The following FLT3LG variants were observed in gnomAD, a reference collection of about 807,000 sequenced individuals.
FLT3LG encodes the protein fms related receptor tyrosine kinase 3 ligand, also known as fms-related tyrosine kinase 3 ligand.
FLT3LG carries 8 observed loss-of-function variants against 30.9 expected under a neutral mutation model. That is an observed-to-expected ratio of 0.26 (90% CI 0.15 to 0.47). The LOEUF is 0.47. Ranked by LOEUF, FLT3LG falls within the 20% of genes least tolerant of loss-of-function variation. The probability of loss-of-function intolerance (pLI) is 0.99; values close to 1 mark genes in which losing one functional copy is unlikely to be tolerated. For missense variants in FLT3LG, 278 were observed against 306.2 expected, an observed-to-expected ratio of 0.91 and a Z score of 0.69; for synonymous variants, 123 against 135.9, an observed-to-expected ratio of 0.91 and a Z score of 0.66.
intron 5 of FLT3LG, among the ~76,000 whole-genome samples, chr19:49,478,220 C>T (rs1453648513): frequency 6.8e-6 from 1 of 147,174 alleles, no homozygotes. Context: ...TGTAATCCCA[C>T]ACTTTGGGAG....
At position 49,478,923 on chromosome 19, in the gene FLT3LG, T is replaced by C; in HGVS notation, c.357T>C (p.Cys119=). ...CCTGCTCCCAGCCCCCCCCCAGCTGTCTTCGCTTCGTCCAGACCAACATCT... is the reference window on the plus strand; with the variant it reads ...CCTGCTCCCAGCCCCCCCCCAGCTGCCTTCGCTTCGTCCAGACCAACATCT... ...TKCAFQPPPS[C]LRFVQTNISR... Residue 119 remains cysteine, a synonymous_variant, in exon 6 of 9, where the codon TGT becomes TGC. Coordinates refer to ENST00000597551, the MANE Select transcript of FLT3LG (RefSeq NM_001459.4). The C allele has an allele frequency of 6.5e-7, 1 of 1,543,320 alleles. No homozygotes were observed.
rs377505124 is a variant in FLT3LG, at chr19:49,475,794, G to A, written c.137G>A (p.Arg46His). Residue 46 changes from arginine to histidine, a missense_variant, in exon 3 of 9, where the codon CGT becomes CAT. Around this residue, in one of 3 missense-constraint regions of FLT3LG, gnomAD observed 68 missense variants for 110.0 expected, o/e 0.62. Transcript: ENST00000597551. The part of the protein sequence containing the change: ...PISSDFAVKI[R>H]ELSDYLLQDY... ...TCCTCCGACTTCGCTGTCAAAATCC[G>A]TGAGCTGGTGAGCGGCGCTGCCCCG... 2.5e-5 allele frequency: 40 copies of A among 1,612,100 alleles called. No individual in the cohort carries two copies. The highest frequency in any genetic ancestry group is 5.3e-5 in the African/African-American group (4 of 74,846).
chr19:49,474,330 T>A, intron 1 of FLT3LG, 49 bp downstream of exon 1: 1 of 540,808 alleles, frequency 1.8e-6, no homozygotes, highest in South Asian at 2.2e-5. Flanking sequence ...GGAGCCAGGG[T>A]CCCCACTCCT....
Position 49,485,248 on chromosome 19 carries a change from C to CT in FLT3LG, c.*22-750dup, listed in dbSNP as rs55877586. ...GAGAACGTTTCTTTTTCTTTTTTTT[C>CT]TTTTTTTTTTTTTTTTTGAGATGGG... On this transcript the variant is annotated intron_variant, in intron 8 of 8. Coordinates refer to ENST00000597551, the MANE Select transcript of FLT3LG (RefSeq NM_001459.4). Among the ~76,000 whole-genome samples the CT allele has an allele frequency of 3.7e-3, 454 of 121,836 alleles. 2 individuals carry two copies. Among genetic ancestry groups the CT allele is most frequent in the East Asian group, 5.6e-3 (25 of 4,466 alleles). 79.9% of individuals were successfully genotyped at this position (121,836 alleles called of 152,430 possible).
At position 49,480,325 on chromosome 19, in the gene FLT3LG, G is replaced by C; in HGVS notation, c.509G>C (p.Ser170Thr). ...TCCTCAACCCTGCCACCCCCATGGA[G>C]TCCCCGGCCCCTGGAGGCCACAGCC... is the stretch of plus-strand genomic sequence containing the variant. ...PDSSTLPPPW[S>T]PRPLEATAPT... is the part of the protein sequence containing the mutation. Residue 170 changes from serine to threonine, a missense_variant, in exon 7 of 9, where the codon AGT becomes ACT. Coordinates refer to ENST00000597551, the MANE Select transcript of FLT3LG (RefSeq NM_001459.4). 3 of 1,607,822 alleles carry C rather than the reference G, an allele frequency of 1.9e-6. No homozygotes were observed. The highest frequency in any genetic ancestry group is 2.5e-6 in the Non-Finnish European group (3 of 1,176,638).
chr19:49,478,765 A>AT, intron 5 of FLT3LG, 144 bp from the exon 6 acceptor site: 1 of 577,246 alleles, frequency 1.7e-6, no homozygotes, highest in Non-Finnish European at 2.4e-6. Context: ...TCAAAAAAAA[A>AT]TTAATTAATT....
rs996285509 is a variant in FLT3LG, at chr19:49,476,923, G to A, written c.342+357G>A. Among the ~76,000 whole-genome samples the A allele has an allele frequency of 6.6e-6, 1 of 152,078 alleles. No individual in the cohort carries two copies. The highest frequency in any genetic ancestry group is 2.4e-5 in the African/African-American group (1 of 41,404). On this transcript the variant is annotated intron_variant, in intron 5 of 8. Coordinates refer to ENST00000597551, the MANE Select transcript of FLT3LG (RefSeq NM_001459.4). The surrounding 1 kb of genome is among the most constrained non-coding windows in gnomAD (Gnocchi z 5.3). Reference sequence around the variant, plus strand: ...GCACTTTGGGAGGCTGAGGTGGGCGGATCACTTGAGGTCAGGAGTTTGAGA... The same window carrying A: ...GCACTTTGGGAGGCTGAGGTGGGCGAATCACTTGAGGTCAGGAGTTTGAGA...
chr19:49,476,342 C>G lies in FLT3LG; in HGVS notation c.199-81C>G. On this transcript the variant is annotated intron_variant, in intron 4 of 8. Transcript: ENST00000597551. This position sits in a 1 kb window ranked among gnomAD's most constrained non-coding sequence, Gnocchi z 5.3. ...GCCCCTCCTCCCTCAGACCCAGGAG[C>G]CCCGGCCCAGCCCCTCCTCCCTCAG... 2.6e-6 allele frequency: 4 copies of G among 1,518,522 alleles called. No homozygotes were observed. The highest frequency in any genetic ancestry group is 2.7e-6 in the Non-Finnish European group (3 of 1,106,142). The allele number at this position is 1,518,522 out of a possible 1,614,324, so 94.1% of individuals were successfully genotyped here. A position where few individuals can be genotyped will look rare whatever the true frequency, so the allele number is the denominator to read the frequency against.
intron 8 of FLT3LG, among the ~76,000 whole-genome samples, chr19:49,482,729 G>A (rs947560638): frequency 2.0e-5 from 3 of 151,532 alleles, no homozygotes; most frequent in Non-Finnish European, 2.9e-5. Flanking sequence ...CCGGGTTCAA[G>A]CGATTCTCCT....
intron 5 of FLT3LG, among the ~76,000 whole-genome samples, chr19:49,478,398 C>T (rs9653118): frequency 0.18 from 27,728 of 151,660 alleles, 3,860 homozygotes; most frequent in African/African-American, 0.39. Flanking sequence ...AACCAGGAGG[C>T]GGAGCTTGCA....
rs781087811 is a variant in FLT3LG at position 49,474,617 on chromosome 19, G to A, written c.-23G>A. ...TCCCTTCCAAGACCCGGCGACAGGA[G>A]GCATGAGGGGCCCCCGGCCGAAATG... On this transcript the variant is annotated 5_prime_UTR_variant, in exon 2 of 9. Coordinates refer to ENST00000597551, the MANE Select transcript of FLT3LG (RefSeq NM_001459.4). 1 of 1,612,394 alleles carries A rather than the reference G, an allele frequency of 6.2e-7. No individual in the cohort carries two copies. Among genetic ancestry groups the A allele is most frequent in the South Asian group, 1.1e-5 (1 of 90,468 alleles).
At chr19:49,475,569 G>T (rs941705326) in intron 2 of FLT3LG, 122 bp from the exon 3 acceptor site, 1 of 1,287,182 alleles carries the variant, frequency 7.8e-7, no homozygotes, top group Non-Finnish European at 1.0e-6. Context: ...AAGTGTGGAA[G>T]AGGCAGAAGG....
intron 2 of FLT3LG, among the ~76,000 whole-genome samples, chr19:49,475,005 G>A (rs1171659472): frequency 7.8e-6 from 1 of 128,814 alleles, no homozygotes; most frequent in Non-Finnish European, 1.6e-5. Context: ...TAAAGAGGAG[G>A]GAGGTGGACA....
chr19:49,474,502 G>T, intron 1 of FLT3LG, 101 bp from the exon 2 acceptor site: 2 of 775,768 alleles, frequency 2.6e-6, no homozygotes, highest in South Asian at 1.7e-5. Context: ...CGGAAACTCA[G>T]CCACATCAAT....
In FLT3LG at chr19:49,474,661, T is replaced by C. The variant is rs552507865; in HGVS notation, c.22T>C (p.Trp8Arg). The C allele has an allele frequency of 2.5e-6, 4 of 1,612,138 alleles. No homozygotes were observed. Among genetic ancestry groups the C allele is most frequent in the Admixed American group, 1.7e-5 (1 of 59,810 alleles). The change falls in exon 2 of 9, where the codon TGG becomes CGG. Residue 8 changes from tryptophan to arginine, a missense_variant. Trp to Arg is a moderately radical substitution (Grantham distance 101). Around this residue, in one of 3 missense-constraint regions of FLT3LG, gnomAD observed 40 missense variants for 34.3 expected, o/e 1.17. Coordinates refer to ENST00000597551, the MANE Select transcript of FLT3LG (RefSeq NM_001459.4). The part of the protein sequence containing the change: MTVLAPA[W>R]SPTTYLLLLL... ...CGAAATGACAGTGCTGGCGCCAGCC[T>C]GGAGCCCAACAGTGCGTAAACCCCA...
At chr19:49,483,156 C>T (rs1035758355) in intron 8 of FLT3LG, among the ~76,000 whole-genome samples, 12 of 151,720 alleles carry the variant, frequency 7.9e-5, no homozygotes, top group African/African-American at 2.4e-4. Flanking sequence ...GATGGATTCT[C>T]GCTCTGTCAC....
chr19:49,485,521 C>T lies in FLT3LG; in HGVS notation c.*22-494C>T, dbSNP rs755177165. Reference sequence around the variant, plus strand: ...TCGACTCACTGCAACCTCCGCCTCCCGGGTTCAAGCAATTCTCCTGCCTCA... The same window carrying T: ...TCGACTCACTGCAACCTCCGCCTCCTGGGTTCAAGCAATTCTCCTGCCTCA... On this transcript the variant is annotated intron_variant, in intron 8 of 8. Coordinates refer to ENST00000597551, the MANE Select transcript of FLT3LG (RefSeq NM_001459.4). Among the ~76,000 whole-genome samples, 11 of 152,140 alleles carry T rather than the reference C, an allele frequency of 7.2e-5. No homozygotes were observed. The East Asian group carries it at 7.7e-4, about 11-fold the overall frequency.
chr19:49,479,668 A>ATTT (rs200699056), intron 6 of FLT3LG: 11 of 192,462 alleles, frequency 5.7e-5, no homozygotes, highest in Middle Eastern at 2.4e-3. Context: ...CACGCGGCTA[A>ATTT]TTTTTTTTTT....
At chr19:49,480,791 G>A in intron 8 of FLT3LG, 171 bp downstream of exon 8, 1 of 649,774 alleles carries the variant, frequency 1.5e-6, no homozygotes, top group East Asian at 2.8e-5. Context: ...CAGCACTTTG[G>A]GAGGCCGAGG....
Sources: gnomAD v4.1 joint callset for allele counts (sites outside exome capture counted in the v4.1 genomes callset) on GRCh38, gnomAD v4.1.1 for gene constraint, gnomAD v4.1.1 regional missense constraint, Gnocchi (gnomAD v3.1) non-coding constraint, MANE v1.5 for transcripts, NCBI Gene and HGNC (gene_info 2026-07-23, HGNC 2026-07-21) for gene names.